The following GSPT1 variants were observed in gnomAD, a reference collection of about 807,000 sequenced individuals.
GSPT1 encodes the protein G1 to S phase transition 1.
Under a neutral mutation model 72.5 loss-of-function variants are expected in GSPT1, and 20 were observed. The ratio of observed to expected loss-of-function variants is 0.28; its 90% confidence interval spans 0.19 to 0.40. GSPT1 has a LOEUF of 0.40. Among genes scored for constraint, GSPT1 ranks in the 10% least tolerant of loss-of-function variants. GSPT1 has a pLI of 1.00. For missense variants in GSPT1, 580 were observed against 811.9 expected, an observed-to-expected ratio of 0.71 and a Z score of 3.47; for synonymous variants, 334 against 293.5, an observed-to-expected ratio of 1.14 and a Z score of -1.41.
chr16:11,878,728 C>T (rs1430523133), intron 11 of GSPT1, among the ~76,000 whole-genome samples: 2 of 151,998 alleles, frequency 1.3e-5, no homozygotes, highest in East Asian at 3.8e-4. Context: ...AACAAGTGAC[C>T]TGAGAGGAGA....
At chr16:11,898,924 A>C (rs954770285) in intron 1 of GSPT1, among the ~76,000 whole-genome samples, 2 of 152,220 alleles carry the variant, frequency 1.3e-5, no homozygotes, top group African/African-American at 4.8e-5. Flanking sequence ...CTAGAACTCT[A>C]AAACCAAGCA....
At chr16:11,890,491 T>C (rs1028990494) in intron 6 of GSPT1, among the ~76,000 whole-genome samples, 1 of 152,160 alleles carries the variant, frequency 6.6e-6, no homozygotes, top group Non-Finnish European at 1.5e-5. Flanking sequence ...CTGACTAGCA[T>C]TTCTCCCGCT....
intron 11 of GSPT1, 35 bp downstream of exon 11, chr16:11,882,980 A>G (rs760450578): frequency 2.0e-5 from 27 of 1,378,510 alleles, no homozygotes; most frequent in African/African-American, 8.6e-5. Flanking sequence ...AAAAAAATCA[A>G]TAAATAGATA....
chr16:11,893,216 T>G (rs2054291913), intron 5 of GSPT1, among the ~76,000 whole-genome samples: 1 of 151,812 alleles, frequency 6.6e-6, no homozygotes, highest in Non-Finnish European at 1.5e-5. Flanking sequence ...GCTATCATCC[T>G]CCCCCCTATA....
In GSPT1 at chr16:11,896,570, T is replaced by C. The variant is rs1305374038; in HGVS notation, c.652A>G (p.Ile218Val). ...GAGAGCAGCTTACCTACGTGCCCAATGAATACTACATTTACATGCTCTTTC... is the reference window on the plus strand; with the variant it reads ...GAGAGCAGCTTACCTACGTGCCCAACGAATACTACATTTACATGCTCTTTC... ...PKKEHVNVVF[I>V]GHVDAGKSTI... Residue 218 changes from isoleucine to valine, a missense_variant, in exon 4 of 15, where the codon ATT becomes GTT. By Grantham distance (29) the Ile-to-Val change is conservative. Around this residue, in one of 6 missense-constraint regions of GSPT1, gnomAD observed 51 missense variants for 118.2 expected, o/e 0.43. Coordinates refer to ENST00000434724, the MANE Select transcript of GSPT1 (RefSeq NM_002094.4). 5.0e-6 allele frequency: 8 copies of C among 1,591,756 alleles called. No individual in the cohort carries two copies. The highest frequency in any genetic ancestry group is 6.9e-6 in the Non-Finnish European group (8 of 1,165,870).
chr16:11,886,764 C>T lies in GSPT1; in HGVS notation c.1112+13G>A, dbSNP rs534049403. ...AATCCCACTAACATAAAATACCAGA[C>T]ATCTACGCTCACCTCTCATTGCTCC... On this transcript the variant is annotated intron_variant, in intron 8 of 14. Coordinates refer to ENST00000434724, the MANE Select transcript of GSPT1 (RefSeq NM_002094.4). The T allele has an allele frequency of 7.5e-6, 12 of 1,610,108 alleles. No homozygotes were observed. In the East Asian group the frequency reaches 8.9e-5, roughly 12 times the overall value.
Position 11,868,410 on chromosome 16 carries a change from C to T in GSPT1, c.*4709G>A, listed in dbSNP as rs145462588. On this transcript the variant is annotated 3_prime_UTR_variant, in exon 15 of 15. Transcript: ENST00000434724. ...ATCTAGGTATTAACCTGCTGTCTAG[C>T]GAAAACTAGTCACTAAGTCCTGGCC... 8.8e-5 allele frequency: 13 copies of T among 147,066 alleles called. No homozygotes were observed. The highest frequency in any genetic ancestry group is 3.3e-4 in the African/African-American group (13 of 39,562). The allele number at this position is 147,066 out of a possible 1,614,324, so 9.1% of individuals were successfully genotyped here.
At chr16:11,913,438 C>A (rs1261446768) in intron 1 of GSPT1, among the ~76,000 whole-genome samples, 1 of 152,198 alleles carries the variant, frequency 6.6e-6, no homozygotes, top group Admixed American at 6.5e-5. Flanking sequence ...GTTTTCGCAT[C>A]TCCAATTTCT....
intron 14 of GSPT1, among the ~76,000 whole-genome samples, chr16:11,874,400 C>A (rs1458167448): frequency 1.4e-5 from 2 of 145,682 alleles, no homozygotes; most frequent in Admixed American, 7.2e-5. Flanking sequence ...ATCCTGTGGA[C>A]TGAAAGGATA....
At chr16:11,896,886 G>A (rs1354721300) in intron 3 of GSPT1, 101 bp from the exon 4 acceptor site, 3 of 776,616 alleles carry the variant, frequency 3.9e-6, no homozygotes, top group Non-Finnish European at 6.3e-6. Context: ...TGCATATGTA[G>A]TTCCATTTCC....
intron 10 of GSPT1, 82 bp from the exon 11 acceptor site, chr16:11,883,177 C>T (rs2054143035): frequency 5.0e-6 from 4 of 807,088 alleles, no homozygotes; most frequent in Non-Finnish European, 6.4e-6. Flanking sequence ...AAATTCTACA[C>T]TGCTTATTCA....
chr16:11,903,167 T>C (rs530471058), intron 1 of GSPT1, among the ~76,000 whole-genome samples: 20 of 152,308 alleles, frequency 1.3e-4, no homozygotes, highest in Admixed American at 5.9e-4. Context: ...AATGGAATCA[T>C]AGAATATGTG....
intron 1 of GSPT1, among the ~76,000 whole-genome samples, chr16:11,906,708 G>C (rs1459955176): frequency 7.9e-5 from 12 of 152,178 alleles, no homozygotes; most frequent in African/African-American, 2.2e-4. Flanking sequence ...GATTATGCCA[G>C]GGTGGTAACG....
chr16:11,885,821 G>A (rs1353075294), intron 9 of GSPT1, among the ~76,000 whole-genome samples: 1 of 152,068 alleles, frequency 6.6e-6, no homozygotes, highest in East Asian at 1.9e-4. Flanking sequence ...GAGCTGGGAG[G>A]CAGAGGTTGC....
At chr16:11,891,802 A>T (rs2054265335) in intron 5 of GSPT1, among the ~76,000 whole-genome samples, 1 of 151,030 alleles carries the variant, frequency 6.6e-6, no homozygotes, top group South Asian at 2.1e-4. Flanking sequence ...AGCTGGGATT[A>T]CAGGCGTGTG....
At chr16:11,887,911 T>C (rs1021654425) in intron 6 of GSPT1, among the ~76,000 whole-genome samples, 161 bp from the exon 7 acceptor site, 2 of 152,200 alleles carry the variant, frequency 1.3e-5, no homozygotes, top group African/African-American at 4.8e-5. Flanking sequence ...ACATCTGTAA[T>C]CTGAGCACTT....
intron 1 of GSPT1, among the ~76,000 whole-genome samples, chr16:11,903,649 C>T (rs991661317): frequency 3.9e-5 from 6 of 152,160 alleles, no homozygotes; most frequent in African/African-American, 9.7e-5. Flanking sequence ...CAAGATCGCA[C>T]CACTGCACTC....
chr16:11,873,192 A>T (rs776333124), intron 14 of GSPT1, 21 bp from the exon 15 acceptor site: 1 of 1,376,420 alleles, frequency 7.3e-7, no homozygotes, highest in South Asian at 1.2e-5. Flanking sequence ...AATTTTAAAA[A>T]AATCTTTCAG....
At chr16:11,896,009 A>T (rs1405518295) in intron 4 of GSPT1, among the ~76,000 whole-genome samples, 2 of 152,254 alleles carry the variant, frequency 1.3e-5, no homozygotes, top group East Asian at 3.8e-4. Flanking sequence ...GAGATAGCTG[A>T]AATGAAAGAC....
Sources: gnomAD v4.1 joint callset for allele counts (sites outside exome capture counted in the v4.1 genomes callset) on GRCh38, gnomAD v4.1.1 for gene constraint, gnomAD v4.1.1 regional missense constraint, MANE v1.5 for transcripts, NCBI Gene and HGNC (gene_info 2026-07-23, HGNC 2026-07-21) for gene names.